LACTBL1: variants seen among roughly 807,000 people sequenced by gnomAD.
LACTBL1 encodes lactamase beta like 1.
Under a neutral mutation model 39.6 loss-of-function variants are expected in LACTBL1, and 29 were observed. The observed-to-expected ratio is 0.73, with a 90% CI of 0.55 to 1.00. LACTBL1 has a LOEUF of 1.00. Among genes scored for constraint, LACTBL1 ranks in the 50% least tolerant of loss-of-function variants. The probability of loss-of-function intolerance (pLI) is 0.00; values close to 1 mark genes in which losing one functional copy is unlikely to be tolerated. For synonymous variants in LACTBL1, 361 were observed against 360.7 expected (o/e 1.00, Z -0.01); for missense variants, 711 against 748.5 (o/e 0.95, Z 0.59).
chr1:22,953,561 G>C, exon 6 of LACTBL1: 1 of 1,250,336 alleles, frequency 8.0e-7, no homozygotes, highest in Non-Finnish European at 1.0e-6. Flanking sequence ...GGGGGCACCA[G>C]CGAGAAGGTG....
At chr1:22,959,830 C>A in intron 3 of LACTBL1, 112 bp downstream of exon 5, 1 of 1,270,402 alleles carries the variant, frequency 7.9e-7, no homozygotes, top group Non-Finnish European at 1.1e-6. Context: ...CATAATAGGC[C>A]CTGGCAGATT....
intron 4 of LACTBL1, among the ~76,000 whole-genome samples, chr1:22,956,794 TCTTGA>T (rs2124225899): frequency 6.6e-6 from 1 of 152,296 alleles, no homozygotes; most frequent in South Asian, 2.1e-4. Context: ...GTCGACTTCA[TCTTGA>T]CTTGTTATCA....
intron 4 of LACTBL1, among the ~76,000 whole-genome samples, chr1:22,956,224 T>C (rs2124224940): frequency 6.6e-6 from 1 of 151,764 alleles, no homozygotes; most frequent in East Asian, 1.9e-4. Context: ...AATAAATAAT[T>C]AGCTGGACTC....
intron 2 of LACTBL1, among the ~76,000 whole-genome samples, chr1:22,961,907 C>T (rs927539705): frequency 3.3e-5 from 5 of 152,030 alleles, no homozygotes; most frequent in South Asian, 4.2e-4. Flanking sequence ...CCACCATGCC[C>T]GGCTGATGTT....
At chr1:22,958,644 T>G (rs928307808) in intron 4 of LACTBL1, 41 bp downstream of exon 6, 8 of 1,465,636 alleles carry the variant, frequency 5.5e-6, no homozygotes, top group Non-Finnish European at 5.5e-6. Context: ...CTTCCCCACC[T>G]GAAATGGTTT....
intron 1 of LACTBL1, among the ~76,000 whole-genome samples, chr1:22,963,421 G>T: frequency 6.6e-6 from 1 of 152,168 alleles, no homozygotes; most frequent in East Asian, 1.9e-4. Flanking sequence ...GCACAGCCCT[G>T]CAGGCCACAG....
At chr1:22,957,424 T>C (rs1640772332) in intron 4 of LACTBL1, among the ~76,000 whole-genome samples, 1 of 152,046 alleles carries the variant, frequency 6.6e-6, no homozygotes, top group Non-Finnish European at 1.5e-5. Flanking sequence ...CGTTTTAAAT[T>C]GTGATATTAC....
At chr1:22,955,188 C>G (rs1640748556) in intron 5 of LACTBL1, 133 bp downstream of exon 7, 2 of 657,072 alleles carry the variant, frequency 3.0e-6, no homozygotes, top group South Asian at 3.9e-5. Context: ...TAGGTCTTGC[C>G]CTTTGCAGCT....
intron 3 of LACTBL1, 151 bp downstream of exon 5, chr1:22,959,791 T>G: frequency 1.1e-6 from 1 of 890,914 alleles, no homozygotes; most frequent in Non-Finnish European, 1.7e-6. Context: ...TGGACTTCGG[T>G]CTCCTCTTCT....
chr1:22,963,226 A>G lies in LACTBL1; in HGVS notation c.50-10T>C. 1 of 1,332,014 alleles carries G rather than the reference A, an allele frequency of 7.5e-7. No homozygotes were observed. The highest frequency in any genetic ancestry group is 9.8e-7 in the Non-Finnish European group (1 of 1,025,628). 82.5% of individuals were successfully genotyped at this position (1,332,014 alleles called of 1,614,324 possible). On this transcript the variant is annotated splice_polypyrimidine_tract_variant and intron_variant, in intron 1 of 5. Coordinates refer to ENST00000426928, the Ensembl canonical transcript of LACTBL1. Reference sequence around the variant, plus strand: ...TCTGGTCCCAGGGAACCTGGAGGGAACATCACATGGTGAGGAGGGGACAGA... The same window carrying G: ...TCTGGTCCCAGGGAACCTGGAGGGAGCATCACATGGTGAGGAGGGGACAGA...
At chr1:22,958,211 G>T (rs771805853) in intron 4 of LACTBL1, among the ~76,000 whole-genome samples, 1 of 151,748 alleles carries the variant, frequency 6.6e-6, no homozygotes, top group African/African-American at 2.4e-5. Context: ...TCAGCCTCCC[G>T]AGTAGCTAAG....
intron 1 of LACTBL1, among the ~76,000 whole-genome samples, chr1:22,964,692 G>T (rs1049594207): frequency 2.6e-5 from 4 of 152,228 alleles, no homozygotes; most frequent in Non-Finnish European, 5.9e-5. Flanking sequence ...AGAATAGGGT[G>T]GTCCCAGCTA....
At chr1:22,959,838 A>T (rs1640801395) in intron 3 of LACTBL1, 104 bp downstream of exon 5, 1 of 1,343,116 alleles carries the variant, frequency 7.4e-7, no homozygotes, top group African/African-American at 1.5e-5. Context: ...GCCCTGGCAG[A>T]TTAGACCCCA....
At chr1:22,958,259 A>T (rs1289277880) in intron 4 of LACTBL1, among the ~76,000 whole-genome samples, 3 of 152,096 alleles carry the variant, frequency 2.0e-5, no homozygotes, top group South Asian at 2.1e-4. Flanking sequence ...GCTATTTTTT[A>T]AAATTTTTAG....
intron 4 of LACTBL1, among the ~76,000 whole-genome samples, chr1:22,957,547 A>G (rs1047614985): frequency 6.6e-6 from 1 of 151,888 alleles, no homozygotes; most frequent in Admixed American, 6.6e-5. Flanking sequence ...ATCTTTGCCA[A>G]TCTGATGGGG....
exon 6 of LACTBL1, chr1:22,953,131 T>C (rs1175336770): frequency 1.9e-5 from 23 of 1,232,078 alleles, no homozygotes; most frequent in Middle Eastern, 3.1e-4. Flanking sequence ...TGACAGCCCG[T>C]GGTGATCCAA....
At chr1:22,958,485 A>C (rs776564906) in intron 4 of LACTBL1, among the ~76,000 whole-genome samples, 200 bp downstream of exon 6, 1 of 152,234 alleles carries the variant, frequency 6.6e-6, no homozygotes, top group South Asian at 2.1e-4. Context: ...TACTTGGTCT[A>C]AATTTCCAGG....
intron 2 of LACTBL1, among the ~76,000 whole-genome samples, chr1:22,961,017 C>T (rs1640816923): frequency 6.6e-6 from 1 of 152,016 alleles, no homozygotes; most frequent in South Asian, 2.1e-4. Context: ...TGACCTCAAG[C>T]AGTCTTCCCA....
At chr1:22,962,895 G>A (rs567787185) in intron 2 of LACTBL1, among the ~76,000 whole-genome samples, 3 of 152,284 alleles carry the variant, frequency 2.0e-5, no homozygotes, top group East Asian at 1.9e-4. Context: ...TATCTTCACC[G>A]TTCCTCTCGC....
Sources: gnomAD v4.1 joint callset for allele counts (sites outside exome capture counted in the v4.1 genomes callset) on GRCh38, gnomAD v4.1.1 for gene constraint, MANE v1.5 for transcripts, NCBI Gene and HGNC (gene_info 2026-07-23, HGNC 2026-07-21) for gene names.